Variants in ADGRB3 observed in about 807,000 individuals in gnomAD.
ADGRB3 encodes adhesion G protein-coupled receptor B3, also known as brain-specific angiogenesis inhibitor 3.
Under a neutral mutation model 193.4 loss-of-function variants are expected in ADGRB3, and 37 were observed. The observed-to-expected ratio is 0.19, with a 90% CI of 0.15 to 0.25. The LOEUF (loss-of-function observed/expected upper bound fraction) is 0.25. Ranked by LOEUF, ADGRB3 falls within the 10% of genes least tolerant of loss-of-function variation. The pLI is 1.00. For missense variants in ADGRB3, 1,637 were observed against 1,852.9 expected, an observed-to-expected ratio of 0.88 and a Z score of 2.14; for synonymous variants, 690 against 644.2, an observed-to-expected ratio of 1.07 and a Z score of -1.08.
rs544084888 is a variant in ADGRB3, at chr6:69,205,408, T to TA, written c.2481-27881dup. Among the ~76,000 whole-genome samples, 876 of 145,582 alleles carry TA rather than the reference T, an allele frequency of 6.0e-3. 4 individuals carry two copies. Among genetic ancestry groups the TA allele is most frequent in the Non-Finnish European group, 9.5e-3 (627 of 66,198 alleles). On this transcript the variant is annotated intron_variant, in intron 17 of 31. Transcript: ENST00000370598. The stretch of plus-strand genomic sequence containing the variant: ...GAATAAAAGACCTTTTTTTTTTTTT[T>TA]ACCTGAGAAGATAGCCTCATGGTTA...
chr6:68,806,085 T>C (rs1767395684), intron 3 of ADGRB3, among the ~76,000 whole-genome samples: 1 of 152,184 alleles, frequency 6.6e-6, no homozygotes, highest in Non-Finnish European at 1.5e-5. Context: ...TCTCACTCAT[T>C]TACCAGATGT....
At chr6:69,107,344 C>A (rs1773243859) in intron 17 of ADGRB3, among the ~76,000 whole-genome samples, 1 of 151,996 alleles carries the variant, frequency 6.6e-6, no homozygotes, top group Admixed American at 6.5e-5. Flanking sequence ...TTCAAACATG[C>A]CATTTTAATA....
intron 11 of ADGRB3, among the ~76,000 whole-genome samples, chr6:68,996,778 A>T (rs1188469286): frequency 2.0e-5 from 3 of 152,158 alleles, no homozygotes; most frequent in Non-Finnish European, 2.9e-5. Context: ...AATCTTCGGA[A>T]AAAAAGACAT....
At position 69,065,798 on chromosome 6, in the gene ADGRB3, CAT is replaced by C. The variant is rs201677495; in HGVS notation, c.2436+2765_2436+2766del. Among the ~76,000 whole-genome samples, 185 of 144,950 alleles carry C rather than the reference CAT, an allele frequency of 1.3e-3. 2 individuals carry two copies. Among genetic ancestry groups the C allele is most frequent in the Middle Eastern group, 3.5e-3 (1 of 286 alleles). ...ACACACACACACACACACACACACA[CAT>C]ATGTACATATATTCAGTTGGCCCTC... On this transcript the variant is annotated intron_variant, in intron 16 of 31. Transcript: ENST00000370598.
intron 3 of ADGRB3, among the ~76,000 whole-genome samples, chr6:68,685,644 C>T (rs1415744615): frequency 4.0e-5 from 6 of 151,598 alleles, no homozygotes; most frequent in South Asian, 2.1e-4. Context: ...TTTGGGAGGC[C>T]GAGGCAGGTA....
chr6:69,067,620 G>A (rs1771946300), intron 16 of ADGRB3, among the ~76,000 whole-genome samples: 1 of 152,068 alleles, frequency 6.6e-6, no homozygotes, highest in African/African-American at 2.4e-5. Context: ...TGTTTGATAT[G>A]CCTTTACTTT....
rs1454682087 is a variant in ADGRB3 at position 69,074,342 on chromosome 6, A to G, written c.2437-1653A>G. On this transcript the variant is annotated intron_variant, in intron 16 of 31. Coordinates refer to ENST00000370598, the MANE Select transcript of ADGRB3 (RefSeq NM_001704.3). The stretch of plus-strand genomic sequence containing the variant: ...TCTAGCAAAAATTTAGAATGGACCT[A>G]TCAGACAGCATTTACAAAGGCACAC... Among the ~76,000 whole-genome samples, 3 of 152,242 alleles carry G rather than the reference A, an allele frequency of 2.0e-5. No homozygotes were observed. The East Asian group carries it at 5.8e-4, about 29-fold the overall frequency.
intron 17 of ADGRB3, among the ~76,000 whole-genome samples, chr6:69,164,130 T>C (rs1775069996): frequency 6.6e-6 from 1 of 152,102 alleles, no homozygotes; most frequent in South Asian, 2.1e-4. Flanking sequence ...TCTTCCTCTG[T>C]TCGCATAACT....
At chr6:69,250,777 C>T (rs1325429774) in intron 20 of ADGRB3, among the ~76,000 whole-genome samples, 1 of 152,202 alleles carries the variant, frequency 6.6e-6, no homozygotes, top group African/African-American at 2.4e-5. Flanking sequence ...TGTCAAGTTA[C>T]TTAACCATTC....
chr6:69,134,112 A>T (rs1398994216), intron 17 of ADGRB3, among the ~76,000 whole-genome samples: 1 of 152,056 alleles, frequency 6.6e-6, no homozygotes, highest in Admixed American at 6.6e-5. Context: ...CTGGTTTCAT[A>T]CTTTTGCAAT....
At chr6:69,229,438 G>T (rs1382013261) in intron 17 of ADGRB3, among the ~76,000 whole-genome samples, 1 of 152,006 alleles carries the variant, frequency 6.6e-6, no homozygotes, top group Non-Finnish European at 1.5e-5. Context: ...TAGAAATTCT[G>T]TGTAAATTTA....
intron 31 of ADGRB3, among the ~76,000 whole-genome samples, chr6:69,386,415 C>A (rs1365834265): frequency 6.6e-6 from 1 of 152,106 alleles, no homozygotes; most frequent in African/African-American, 2.4e-5. Flanking sequence ...AGACACAACC[C>A]TCGTGTATGA....
intron 17 of ADGRB3, among the ~76,000 whole-genome samples, chr6:69,172,106 T>A (rs1050742875): frequency 2.6e-5 from 4 of 152,200 alleles, no homozygotes; most frequent in African/African-American, 9.7e-5. Flanking sequence ...TTGAAGCCTA[T>A]GTTTTTAGAT....
In ADGRB3 at chr6:68,899,778, TAAG is replaced by T. The variant is rs145641438; in HGVS notation, c.758-30778_758-30776del. ...AAATATTAATTAAATATTGCAATAA[TAAG>T]AATATATATTATGTCTCAGCAGAGA... On this transcript the variant is annotated intron_variant, in intron 3 of 31. Coordinates refer to ENST00000370598, the MANE Select transcript of ADGRB3 (RefSeq NM_001704.3). 1.8e-3 allele frequency among the ~76,000 whole-genome samples: 274 copies of T among 152,092 alleles called. 3 individuals carry two copies. The highest frequency in any genetic ancestry group is 6.4e-3 in the African/African-American group (264 of 41,506).
chr6:69,040,307 C>CTCTTTTCTTTCTTTCTTTCTT (rs1770993421), intron 13 of ADGRB3, among the ~76,000 whole-genome samples: 1 of 94,758 alleles, frequency 1.1e-5, no homozygotes, highest in Non-Finnish European at 2.1e-5. Flanking sequence ...CTTTCTCTGT[C>CTCTTTTCTTTCTTTCTTTCTT]TCTTTCTTTC....
chr6:68,773,955 G>T (rs1234492640), intron 3 of ADGRB3, among the ~76,000 whole-genome samples: 2 of 152,104 alleles, frequency 1.3e-5, no homozygotes, highest in African/African-American at 4.8e-5. Context: ...TAATGGGCAA[G>T]GTGGGGCTGT....
intron 3 of ADGRB3, among the ~76,000 whole-genome samples, chr6:68,920,498 CAGAG>C (rs545043963): frequency 1.5e-3 from 168 of 114,526 alleles, no homozygotes; most frequent in African/African-American, 5.7e-3. Flanking sequence ...GCCTCGGCGA[CAGAG>C]ACTCTGTATC....
chr6:69,348,220 G>A (rs1244332357), intron 26 of ADGRB3, among the ~76,000 whole-genome samples: 2 of 152,138 alleles, frequency 1.3e-5, no homozygotes, highest in African/African-American at 4.8e-5. Flanking sequence ...AACAGAAATT[G>A]ACAAACTCTG....
At chr6:68,855,436 T>C (rs1764955330) in intron 3 of ADGRB3, among the ~76,000 whole-genome samples, 1 of 152,000 alleles carries the variant, frequency 6.6e-6, no homozygotes, top group African/African-American at 2.4e-5. Context: ...TAATTTAATT[T>C]AATGTAATCA....
Sources: allele counts gnomAD v4.1 joint callset (sites outside exome capture counted in the v4.1 genomes callset), GRCh38; gene constraint gnomAD v4.1.1; transcripts MANE v1.5; gene names NCBI Gene and HGNC (gene_info 2026-07-23, HGNC 2026-07-21).